The following SFMBT2 variants were observed in gnomAD, a reference collection of about 807,000 sequenced individuals.
The protein encoded by SFMBT2 is Scm like with four mbt domains 2.
Under a neutral mutation model 110.1 loss-of-function variants are expected in SFMBT2, and 38 were observed. The ratio of observed to expected loss-of-function variants is 0.35; its 90% CI spans 0.27 to 0.45. The LOEUF (loss-of-function observed/expected upper bound fraction) is 0.45. Ranked by LOEUF, SFMBT2 falls within the 20% of genes least tolerant of loss-of-function variation. The pLI is 1.00. For synonymous variants in SFMBT2, 425 were observed against 425.4 expected (o/e 1.00, Z 0.01); for missense variants, 1,011 against 1,094.9 (o/e 0.92, Z 1.08).
intron 1 of SFMBT2, among the ~76,000 whole-genome samples, chr10:7,390,975 C>T (rs1845746564): frequency 6.6e-6 from 1 of 151,032 alleles, no homozygotes; most frequent in Non-Finnish European, 1.5e-5. Flanking sequence ...TGGCACGTGT[C>T]TGTCATCCCA....
intron 2 of SFMBT2, among the ~76,000 whole-genome samples, chr10:7,371,988 G>A (rs529325820): frequency 1.3e-4 from 19 of 146,608 alleles, no homozygotes; most frequent in East Asian, 6.0e-4. Flanking sequence ...GTGCAGTGGC[G>A]CGATCTCAGC....
intron 4 of SFMBT2, among the ~76,000 whole-genome samples, chr10:7,366,338 C>A (rs975493544): frequency 1.3e-5 from 2 of 151,772 alleles, no homozygotes; most frequent in Non-Finnish European, 2.9e-5. Context: ...CATTTTATGA[C>A]CCCCTTCTTA....
chr10:7,201,579 T>G (rs1838959468), intron 13 of SFMBT2, among the ~76,000 whole-genome samples: 1 of 152,204 alleles, frequency 6.6e-6, no homozygotes, highest in Non-Finnish European at 1.5e-5. Flanking sequence ...CAGTTCCAGT[T>G]CAATTTCATC....
At chr10:7,303,741 AG>A (rs766719280) in intron 4 of SFMBT2, among the ~76,000 whole-genome samples, 90 of 152,232 alleles carry the variant, frequency 5.9e-4, no homozygotes, top group Non-Finnish European at 1.1e-3. Flanking sequence ...TTATTTCTTT[AG>A]AATATTTTCT....
At position 7,170,854 on chromosome 10, in the gene SFMBT2, G is replaced by A. The variant is rs147023934; in HGVS notation, c.2544+74C>T. 4.0e-4 allele frequency: 631 copies of A among 1,589,372 alleles called. 2 individuals carry two copies. Among genetic ancestry groups the A allele is most frequent in the Middle Eastern group, 1.7e-3 (10 of 5,982 alleles). On this transcript the variant is annotated intron_variant, in intron 20 of 20. Transcript: ENST00000397167. The surrounding 1 kb of genome is among the most constrained non-coding windows in gnomAD (Gnocchi z 4.6). Reference sequence around the variant, plus strand: ...CCCTCGCAGGTGTCACGAGGAAGCCGGCTAGGACACGAGGTTCATTTCAGA... The same window carrying A: ...CCCTCGCAGGTGTCACGAGGAAGCCAGCTAGGACACGAGGTTCATTTCAGA...
At chr10:7,183,901 A>G (rs1838318611) in intron 16 of SFMBT2, among the ~76,000 whole-genome samples, 1 of 152,136 alleles carries the variant, frequency 6.6e-6, no homozygotes, top group Non-Finnish European at 1.5e-5. Context: ...GTTATTCATC[A>G]CTGAGCACTC....
intron 14 of SFMBT2, 80 bp downstream of exon 14, chr10:7,200,334 C>T (rs994895991): frequency 5.4e-6 from 6 of 1,107,328 alleles, no homozygotes; most frequent in Admixed American, 5.7e-5. Flanking sequence ...GTATTCATAT[C>T]GACCTAGAAA....
intron 1 of SFMBT2, among the ~76,000 whole-genome samples, chr10:7,390,147 C>T (rs1419082410): frequency 6.6e-6 from 1 of 152,184 alleles, no homozygotes; most frequent in Non-Finnish European, 1.5e-5. Flanking sequence ...GCACTGGAAG[C>T]GTATCTAGTA....
intron 1 of SFMBT2, among the ~76,000 whole-genome samples, chr10:7,386,625 CT>C (rs928999472): frequency 2.6e-5 from 4 of 152,102 alleles, no homozygotes; most frequent in Non-Finnish European, 5.9e-5. Flanking sequence ...TGTGAACCCA[CT>C]GGTCATTGGT....
intron 4 of SFMBT2, among the ~76,000 whole-genome samples, chr10:7,311,037 C>T (rs1290587007): frequency 2.6e-4 from 25 of 97,700 alleles, no homozygotes; most frequent in African/African-American, 8.5e-4. Context: ...ACAAGAGAAA[C>T]TCCATCTCAA....
chr10:7,368,347 G>GT (rs1283614662), intron 3 of SFMBT2: 43 of 985,240 alleles, frequency 4.4e-5, no homozygotes, highest in African/African-American at 5.2e-5. Flanking sequence ...AAATGGAGTT[G>GT]TTTTTTAATT....
At chr10:7,323,450 C>CAAAAAAAAAAAAAAAAAAACAA (rs1388420156) in intron 4 of SFMBT2, among the ~76,000 whole-genome samples, 1 of 22,902 alleles carries the variant, frequency 4.4e-5, no homozygotes, top group Non-Finnish European at 8.9e-5. Flanking sequence ...GACTCCATCT[C>CAAAAAAAAAAAAAAAAAAACAA]AAAAAAAAAA....
intron 16 of SFMBT2, among the ~76,000 whole-genome samples, chr10:7,182,322 G>C (rs572601209): frequency 6.6e-6 from 1 of 152,324 alleles, no homozygotes; most frequent in South Asian, 2.1e-4. Context: ...ACAGGCACAG[G>C]CCAACGCACT....
chr10:7,262,891 G>C (rs998880758), intron 7 of SFMBT2, among the ~76,000 whole-genome samples: 1 of 152,170 alleles, frequency 6.6e-6, no homozygotes, highest in Non-Finnish European at 1.5e-5. Flanking sequence ...ACCCAGAACA[G>C]GCAAAGGATC....
chr10:7,330,881 CCT>C (rs758955404), intron 4 of SFMBT2, among the ~76,000 whole-genome samples: 6 of 152,168 alleles, frequency 3.9e-5, no homozygotes, highest in African/African-American at 1.4e-4. Context: ...TGCTTTTTCC[CCT>C]GTCTAATCCA....
chr10:7,305,271 C>A (rs1227573099), intron 4 of SFMBT2, among the ~76,000 whole-genome samples: 2 of 152,182 alleles, frequency 1.3e-5, no homozygotes, highest in Non-Finnish European at 2.9e-5. Context: ...AAATGACAGG[C>A]TATCAGCATT....
chr10:7,263,228 ATTTCT>A (rs139395535), intron 7 of SFMBT2, among the ~76,000 whole-genome samples: 2,704 of 151,006 alleles, frequency 0.018, 41 homozygotes, highest in Non-Finnish European at 0.024. Context: ...AACAGCCTCT[ATTTCT>A]TTTCTTTTCT....
intron 16 of SFMBT2, among the ~76,000 whole-genome samples, chr10:7,187,692 T>C (rs1308355338): frequency 2.6e-5 from 4 of 152,234 alleles, no homozygotes; most frequent in Non-Finnish European, 4.4e-5. Context: ...ACAGTACTAG[T>C]ATAAGTTAAC....
At chr10:7,358,248 T>C (rs751371596) in intron 4 of SFMBT2, among the ~76,000 whole-genome samples, 2 of 150,968 alleles carry the variant, frequency 1.3e-5, no homozygotes, top group Non-Finnish European at 3.0e-5. Context: ...TGCATGGCCC[T>C]AGAACACCTG....
Sources: allele counts gnomAD v4.1 joint callset (sites outside exome capture counted in the v4.1 genomes callset), GRCh38; gene constraint gnomAD v4.1.1; non-coding constraint Gnocchi (gnomAD v3.1); transcripts MANE v1.5; gene names NCBI Gene and HGNC (gene_info 2026-07-23, HGNC 2026-07-21).